The following C1QTNF7 variants were observed in gnomAD, a reference collection of about 807,000 sequenced individuals.
C1QTNF7 encodes the protein C1q and TNF related 7.
A neutral mutation model predicts 19.6 loss-of-function variants in C1QTNF7; 15 were observed. The observed-to-expected ratio is 0.76, with a 90% CI of 0.51 to 1.18. C1QTNF7 has a LOEUF of 1.18. Among genes scored for constraint, C1QTNF7 ranks in the 50% most tolerant of loss-of-function variants. The pLI is 0.00. For synonymous variants in C1QTNF7, 142 were observed against 137.5 expected (o/e 1.03, Z -0.23); for missense variants, 324 against 359.7 (o/e 0.90, Z 0.80).
chr4:15,391,972 G>A (rs1489720175), intron 1 of C1QTNF7, among the ~76,000 whole-genome samples: 2 of 152,166 alleles, frequency 1.3e-5, no homozygotes, highest in Non-Finnish European at 2.9e-5. Flanking sequence ...GAGAGAGGAA[G>A]GGAGTGGGGA....
chr4:15,437,410 G>A (rs1031451742), intron 2 of C1QTNF7, among the ~76,000 whole-genome samples: 5 of 152,100 alleles, frequency 3.3e-5, no homozygotes, highest in Non-Finnish European at 7.3e-5. Flanking sequence ...TAACTGCCAT[G>A]TGATAAAAAC....
At chr4:15,405,947 T>TC (rs1454029089) in intron 1 of C1QTNF7, among the ~76,000 whole-genome samples, 2 of 151,932 alleles carry the variant, frequency 1.3e-5, no homozygotes, top group African/African-American at 2.4e-5. Flanking sequence ...GAAGAGCTTG[T>TC]CCCCCCCAGA....
chr4:15,382,262 G>A (rs139424902), intron 1 of C1QTNF7, among the ~76,000 whole-genome samples: 84 of 152,016 alleles, frequency 5.5e-4, no homozygotes, highest in African/African-American at 1.9e-3. Flanking sequence ...GACCTTTCCA[G>A]TCAAAGATTT....
intron 2 of C1QTNF7, among the ~76,000 whole-genome samples, chr4:15,438,881 T>C (rs1236706345): frequency 6.6e-6 from 1 of 152,154 alleles, no homozygotes; most frequent in East Asian, 1.9e-4. Flanking sequence ...GATGGTCAAT[T>C]AATGTTAGAT....
intron 1 of C1QTNF7, among the ~76,000 whole-genome samples, chr4:15,357,553 G>A (rs964692392): frequency 1.6e-4 from 25 of 152,298 alleles, no homozygotes; most frequent in African/African-American, 5.8e-4. Context: ...GCTTAGGATT[G>A]TCTTGGCTAT....
At chr4:15,412,777 C>T (rs549194266) in intron 1 of C1QTNF7, among the ~76,000 whole-genome samples, 13 of 152,310 alleles carry the variant, frequency 8.5e-5, no homozygotes, top group African/African-American at 1.7e-4. Flanking sequence ...AGTGCATCTG[C>T]GTAACTACTT....
chr4:15,419,166 G>T (rs1446761778), intron 1 of C1QTNF7, among the ~76,000 whole-genome samples: 14 of 152,152 alleles, frequency 9.2e-5, no homozygotes, highest in Admixed American at 9.2e-4. Context: ...CTTTTGGAAA[G>T]CAGTTTGGCA....
chr4:15,389,489 G>A (rs1293691882), intron 1 of C1QTNF7, among the ~76,000 whole-genome samples: 1 of 152,108 alleles, frequency 6.6e-6, no homozygotes, highest in African/African-American at 2.4e-5. Flanking sequence ...GTGCCATCAC[G>A]TCTCACTTCA....
chr4:15,350,012 TAAAAGGAAGGGA>T (rs2109285977), intron 1 of C1QTNF7, among the ~76,000 whole-genome samples: 1 of 128,908 alleles, frequency 7.8e-6, no homozygotes, highest in South Asian at 2.4e-4. Flanking sequence ...AAATATTAGA[TAAAAGGAAGGGA>T]GGAAGGGAGG....
intron 1 of C1QTNF7, among the ~76,000 whole-genome samples, chr4:15,395,519 C>G (rs1417458908): frequency 6.6e-6 from 1 of 152,098 alleles, no homozygotes; most frequent in Non-Finnish European, 1.5e-5. Flanking sequence ...CAAATAGACA[C>G]AGACTCTAAG....
At chr4:15,433,927 T>A (rs932484986) in intron 1 of C1QTNF7, among the ~76,000 whole-genome samples, 16 of 152,184 alleles carry the variant, frequency 1.1e-4, no homozygotes, top group Admixed American at 4.6e-4. Context: ...GAGAGAGAAC[T>A]GCTAATTTAA....
chr4:15,351,793 G>C (rs1716948557), intron 1 of C1QTNF7, among the ~76,000 whole-genome samples: 2 of 152,160 alleles, frequency 1.3e-5, no homozygotes, highest in Admixed American at 1.3e-4. Flanking sequence ...GAGGATGTCT[G>C]TAACTTTCTA....
chr4:15,419,644 T>C (rs923153755), intron 1 of C1QTNF7, among the ~76,000 whole-genome samples: 5 of 152,148 alleles, frequency 3.3e-5, no homozygotes, highest in Admixed American at 6.5e-5. Flanking sequence ...TACCTTTTCC[T>C]CCTGATATTT....
intron 1 of C1QTNF7, among the ~76,000 whole-genome samples, chr4:15,352,421 T>C (rs999081689): frequency 3.9e-5 from 6 of 152,166 alleles, no homozygotes; most frequent in African/African-American, 1.2e-4. Flanking sequence ...TCTGCCACCA[T>C]GGATGCAACA....
At chr4:15,353,236 T>A (rs1716996490) in intron 1 of C1QTNF7, among the ~76,000 whole-genome samples, 1 of 152,160 alleles carries the variant, frequency 6.6e-6, no homozygotes. Context: ...GTGTTGCCTT[T>A]TAAAAAAATT....
chr4:15,436,948 T>A lies in C1QTNF7; in HGVS notation c.238+967T>A, dbSNP rs559534405. ...TAATAATTCATTTCTGAATTTGCCA[T>A]GCGGATAATATCTGGCAAATCAATT... On this transcript the variant is annotated intron_variant, in intron 2 of 2. Coordinates refer to ENST00000444304, the MANE Select transcript of C1QTNF7 (RefSeq NM_031911.5). 2.0e-5 allele frequency among the ~76,000 whole-genome samples: 3 copies of A among 152,344 alleles called. No homozygotes were observed. The East Asian group carries it at 5.8e-4, about 29-fold the overall frequency.
intron 1 of C1QTNF7, among the ~76,000 whole-genome samples, chr4:15,354,042 C>T (rs1186341118): frequency 3.3e-5 from 5 of 152,084 alleles, no homozygotes; most frequent in African/African-American, 1.2e-4. Flanking sequence ...ACCACCTTCT[C>T]CCCCAAGGCT....
chr4:15,423,033 A>T (rs1258915403), upstream of C1QTNF7, among the ~76,000 whole-genome samples: 1 of 152,248 alleles, frequency 6.6e-6, no homozygotes, highest in East Asian at 1.9e-4. Context: ...ACAAGGATGG[A>T]TATTTATGTA....
chr4:15,371,537 C>T (rs1260719114), intron 1 of C1QTNF7, among the ~76,000 whole-genome samples: 1 of 152,104 alleles, frequency 6.6e-6, no homozygotes, highest in East Asian at 1.9e-4. Flanking sequence ...GGGAGACAAC[C>T]ATTATGCAAA....
Sources: gnomAD v4.1 joint callset for allele counts (sites outside exome capture counted in the v4.1 genomes callset) on GRCh38, gnomAD v4.1.1 for gene constraint, MANE v1.5 for transcripts, NCBI Gene and HGNC (gene_info 2026-07-23, HGNC 2026-07-21) for gene names.